STXBP5L: variants seen among roughly 807,000 people sequenced by gnomAD.
STXBP5L encodes the protein syntaxin binding protein 5L.
A neutral mutation model predicts 144.5 loss-of-function variants in STXBP5L; 65 were observed. The ratio of observed to expected loss-of-function variants is 0.45; its 90% confidence interval spans 0.37 to 0.55. The LOEUF is 0.55. Ranked by LOEUF, STXBP5L falls within the 20% of genes least tolerant of loss-of-function variation. STXBP5L has a pLI of 0.00. For synonymous variants in STXBP5L, 505 were observed against 469.6 expected (o/e 1.08, Z -0.97); for missense variants, 1,298 against 1,405.5 (o/e 0.92, Z 1.22).
At chr3:121,172,106 A>G (rs1003671643) in intron 9 of STXBP5L, among the ~76,000 whole-genome samples, 6 of 152,170 alleles carry the variant, frequency 3.9e-5, no homozygotes, top group Admixed American at 2.0e-4. Context: ...TGGGGAAAAA[A>G]TTGTTTTGGG....
At chr3:121,029,063 A>C (rs1010966277) in intron 3 of STXBP5L, among the ~76,000 whole-genome samples, 2 of 152,200 alleles carry the variant, frequency 1.3e-5, no homozygotes, top group Non-Finnish European at 2.9e-5. Context: ...TTTCATGCTC[A>C]TGGATAGGAA....
chr3:121,396,872 A>G (rs1173103756), intron 22 of STXBP5L, among the ~76,000 whole-genome samples: 2 of 152,238 alleles, frequency 1.3e-5, no homozygotes, highest in Non-Finnish European at 2.9e-5. Flanking sequence ...GCTGTTTGCA[A>G]TTGGGTAAAT....
At chr3:121,343,243 G>A (rs1484578005) in intron 20 of STXBP5L, among the ~76,000 whole-genome samples, 1 of 151,794 alleles carries the variant, frequency 6.6e-6, no homozygotes, top group Non-Finnish European at 1.5e-5. Context: ...CTGGATATTA[G>A]CCCTTTGTCA....
intron 7 of STXBP5L, among the ~76,000 whole-genome samples, chr3:121,138,913 C>T (rs2045376933): frequency 6.6e-6 from 1 of 151,784 alleles, no homozygotes; most frequent in Admixed American, 6.6e-5. Flanking sequence ...GAGATTATAT[C>T]ACACACAAAA....
At chr3:121,222,407 TAAA>T (rs2049000295) in intron 10 of STXBP5L, among the ~76,000 whole-genome samples, 1 of 152,140 alleles carries the variant, frequency 6.6e-6, no homozygotes, top group Non-Finnish European at 1.5e-5. Flanking sequence ...TGGCCACAAG[TAAA>T]ATAGAAAAGG....
chr3:121,225,688 G>A (rs2049101103), intron 11 of STXBP5L, among the ~76,000 whole-genome samples: 1 of 152,150 alleles, frequency 6.6e-6, no homozygotes, highest in African/African-American at 2.4e-5. Context: ...AAAGGGCCTT[G>A]GGCCATGGCA....
intron 19 of STXBP5L, among the ~76,000 whole-genome samples, chr3:121,280,567 A>G (rs1559932034): frequency 6.6e-6 from 1 of 151,958 alleles, no homozygotes. Context: ...AACTTAAGGT[A>G]ATTAGGATTT....
chr3:121,026,727 G>C (rs949859663), intron 3 of STXBP5L, among the ~76,000 whole-genome samples: 5 of 151,850 alleles, frequency 3.3e-5, no homozygotes, highest in African/African-American at 1.2e-4. Flanking sequence ...AGAGAAAAGA[G>C]TAACTAAAAG....
chr3:121,211,718 A>AGTTACT (rs1209118663), intron 10 of STXBP5L, among the ~76,000 whole-genome samples: 6 of 151,742 alleles, frequency 4.0e-5, no homozygotes, highest in Non-Finnish European at 7.4e-5. Context: ...AACTGTGACT[A>AGTTACT]CAGGCATGTG....
At chr3:121,318,149 C>T (rs2043846035) in intron 19 of STXBP5L, among the ~76,000 whole-genome samples, 2 of 151,870 alleles carry the variant, frequency 1.3e-5, no homozygotes, top group African/African-American at 2.4e-5. Context: ...TTTCCTGTAT[C>T]ACTTGTTTAA....
At chr3:121,365,171 A>G (rs187240891) in intron 20 of STXBP5L, among the ~76,000 whole-genome samples, 58 of 151,996 alleles carry the variant, frequency 3.8e-4, no homozygotes, top group African/African-American at 1.3e-3. Context: ...ATAGTATTCT[A>G]TTGAGTATTT....
intron 3 of STXBP5L, among the ~76,000 whole-genome samples, chr3:120,982,771 A>T (rs891506970): frequency 6.6e-6 from 1 of 152,036 alleles, no homozygotes; most frequent in Non-Finnish European, 1.5e-5. Context: ...CCTGACTTAG[A>T]CCCTGGACTG....
At chr3:121,296,348 C>T (rs2051648122) in intron 19 of STXBP5L, among the ~76,000 whole-genome samples, 1 of 152,152 alleles carries the variant, frequency 6.6e-6, no homozygotes, top group African/African-American at 2.4e-5. Flanking sequence ...GGTTTCCATT[C>T]CACTGATTCC....
chr3:120,912,294 C>T (rs1333286724), intron 2 of STXBP5L, among the ~76,000 whole-genome samples: 1 of 151,834 alleles, frequency 6.6e-6, no homozygotes, highest in Non-Finnish European at 1.5e-5. Context: ...GCTAAAAATT[C>T]TATATTGGTT....
At chr3:121,334,197 C>A (rs531318209) in intron 20 of STXBP5L, among the ~76,000 whole-genome samples, 9 of 152,222 alleles carry the variant, frequency 5.9e-5, no homozygotes, top group Admixed American at 2.6e-4. Context: ...TTATCTCTGT[C>A]TTTTGTAAAT....
chr3:121,077,683 CTGT>C (rs1356781480), intron 5 of STXBP5L, among the ~76,000 whole-genome samples: 1 of 152,152 alleles, frequency 6.6e-6, no homozygotes, highest in East Asian at 1.9e-4. Context: ...GCCGAGTGGT[CTGT>C]TTTGACCGGG....
At chr3:121,020,315 A>G (rs1576680565) in intron 3 of STXBP5L, among the ~76,000 whole-genome samples, 2 of 152,334 alleles carry the variant, frequency 1.3e-5, no homozygotes, top group South Asian at 2.1e-4. Context: ...AAGAGGAGAA[A>G]TCTAAAAGTT....
At chr3:121,358,515 T>C (rs1163009436) in intron 20 of STXBP5L, among the ~76,000 whole-genome samples, 6 of 152,046 alleles carry the variant, frequency 3.9e-5, no homozygotes, top group Non-Finnish European at 7.4e-5. Context: ...AACAACCAGA[T>C]CTTGTGAGAA....
intron 9 of STXBP5L, among the ~76,000 whole-genome samples, chr3:121,183,598 A>G (rs1559835307): frequency 6.6e-6 from 1 of 151,536 alleles, no homozygotes; most frequent in Non-Finnish European, 1.5e-5. Flanking sequence ...AGGAAGAAAG[A>G]AAGAAAGAGA....
Sources: allele counts gnomAD v4.1 joint callset (sites outside exome capture counted in the v4.1 genomes callset), GRCh38; gene constraint gnomAD v4.1.1; transcripts MANE v1.5; gene names NCBI Gene and HGNC (gene_info 2026-07-23, HGNC 2026-07-21).